The following GRIP1 variants were observed in gnomAD, a reference collection of about 807,000 sequenced individuals.
The protein encoded by GRIP1 is glutamate receptor interacting protein 1, also known as glutamate receptor-interacting protein 1.
Under a neutral mutation model 129.9 loss-of-function variants are expected in GRIP1, and 45 were observed. That is an observed-to-expected ratio of 0.35 (90% CI 0.27 to 0.44). GRIP1 has a LOEUF of 0.44. GRIP1 is among the 20% of genes least tolerant of loss of function. The probability of loss-of-function intolerance (pLI) is 1.00; values close to 1 mark genes in which losing one functional copy is unlikely to be tolerated. For missense variants in GRIP1, 1,196 were observed against 1,396.8 expected (o/e 0.86, Z 2.29); for synonymous variants, 530 against 520.8 (o/e 1.02, Z -0.24).
chr12:66,429,524 TTATCTC>T (rs1383502859), intron 14 of GRIP1, among the ~76,000 whole-genome samples: 2 of 151,776 alleles, frequency 1.3e-5, no homozygotes, highest in African/African-American at 4.8e-5. Context: ...CAGTGAGACT[TTATCTC>T]TACAAAAATT....
intron 1 of GRIP1, among the ~76,000 whole-genome samples, chr12:66,748,846 G>A (rs2136602980): frequency 6.6e-6 from 1 of 152,152 alleles, no homozygotes; most frequent in African/African-American, 2.4e-5. Flanking sequence ...TAAATAACAG[G>A]GATAAAACAT....
intron 5 of GRIP1, among the ~76,000 whole-genome samples, chr12:66,526,494 G>T (rs1435192868): frequency 6.6e-6 from 1 of 152,010 alleles, no homozygotes; most frequent in East Asian, 1.9e-4. Flanking sequence ...AGCTGAAACT[G>T]GATCCCTTCC....
chr12:66,643,176 C>T (rs965339585), intron 1 of GRIP1, among the ~76,000 whole-genome samples: 1 of 152,168 alleles, frequency 6.6e-6, no homozygotes, highest in Non-Finnish European at 1.5e-5. Context: ...ATAGGCATGT[C>T]CTTTCTGGAA....
intron 1 of GRIP1, among the ~76,000 whole-genome samples, chr12:66,949,346 G>C (rs576250253): frequency 6.6e-6 from 1 of 152,194 alleles, no homozygotes; most frequent in South Asian, 2.1e-4. Flanking sequence ...CTTCTGATTG[G>C]GAGTAAGTCA....
chr12:66,505,872 A>G (rs2060513430), intron 7 of GRIP1, among the ~76,000 whole-genome samples: 1 of 152,224 alleles, frequency 6.6e-6, no homozygotes, highest in Non-Finnish European at 1.5e-5. Context: ...GAATTATCCA[A>G]TAGAAAGAAA....
chr12:66,784,510 C>T (rs75775874), intron 1 of GRIP1, among the ~76,000 whole-genome samples: 5,778 of 152,200 alleles, frequency 0.038, 144 homozygotes, highest in African/African-American at 0.068. Context: ...CATTGAAAGC[C>T]AGACTCATTT....
At chr12:66,509,472 G>T (rs1444265415) in intron 7 of GRIP1, among the ~76,000 whole-genome samples, 1 of 152,062 alleles carries the variant, frequency 6.6e-6, no homozygotes, top group African/African-American at 2.4e-5. Flanking sequence ...ACTTTAAAAG[G>T]CACTGTATTT....
chr12:66,518,279 C>T (rs990379116), intron 5 of GRIP1, among the ~76,000 whole-genome samples: 1 of 152,082 alleles, frequency 6.6e-6, no homozygotes, highest in African/African-American at 2.4e-5. Context: ...CCGATTTGAA[C>T]AGCTGTCAGT....
intron 1 of GRIP1, among the ~76,000 whole-genome samples, chr12:66,845,947 ACTGT>A (rs1472964626): frequency 2.0e-5 from 3 of 152,068 alleles, no homozygotes; most frequent in Admixed American, 6.6e-5. Context: ...TCCCAGAAAA[ACTGT>A]CTGTTTCCAT....
intron 7 of GRIP1, among the ~76,000 whole-genome samples, chr12:66,491,360 G>T (rs2060099250): frequency 6.6e-6 from 1 of 152,152 alleles, no homozygotes; most frequent in Non-Finnish European, 1.5e-5. Context: ...AACAACACAG[G>T]AACAGAATAC....
At chr12:66,736,142 C>T (rs1279052724) in intron 1 of GRIP1, among the ~76,000 whole-genome samples, 1 of 152,042 alleles carries the variant, frequency 6.6e-6, no homozygotes, top group African/African-American at 2.4e-5. Context: ...GACCAGAAGG[C>T]TTTCTGATAA....
intron 1 of GRIP1, among the ~76,000 whole-genome samples, chr12:66,930,958 A>G (rs1395857159): frequency 2.6e-5 from 4 of 152,182 alleles, no homozygotes; most frequent in Non-Finnish European, 5.9e-5. Context: ...AGAGTAGTTT[A>G]GATGGTTAGG....
intron 1 of GRIP1, among the ~76,000 whole-genome samples, chr12:66,622,699 A>C (rs996811291): frequency 2.6e-5 from 4 of 152,082 alleles, no homozygotes; most frequent in Non-Finnish European, 5.9e-5. Context: ...CTACTTTTTT[A>C]GTTTCATTTC....
intron 1 of GRIP1, among the ~76,000 whole-genome samples, chr12:66,792,729 TA>T (rs1416737914): frequency 3.3e-5 from 5 of 151,940 alleles, no homozygotes; most frequent in Admixed American, 1.3e-4. Flanking sequence ...AACTAAAAAG[TA>T]AAAAACAAAA....
At chr12:66,616,997 TC>T (rs1252857487) in intron 1 of GRIP1, among the ~76,000 whole-genome samples, 3 of 152,012 alleles carry the variant, frequency 2.0e-5, no homozygotes, top group Admixed American at 1.3e-4. Context: ...GAAAGGTCTA[TC>T]TGTTCCTGAG....
intron 19 of GRIP1, among the ~76,000 whole-genome samples, chr12:66,390,168 G>A (rs1418884373): frequency 2.0e-5 from 3 of 152,152 alleles, no homozygotes; most frequent in African/African-American, 4.8e-5. Flanking sequence ...GTGTCTTGGC[G>A]TGCAGTGAGG....
At chr12:66,985,420 A>C (rs929144253) in intron 1 of GRIP1, among the ~76,000 whole-genome samples, 2 of 152,190 alleles carry the variant, frequency 1.3e-5, no homozygotes, top group Non-Finnish European at 2.9e-5. Context: ...AATAAATTAA[A>C]TAAGTGATAT....
chr12:66,902,192 T>C (rs1046549596), intron 1 of GRIP1, among the ~76,000 whole-genome samples: 5 of 152,178 alleles, frequency 3.3e-5, no homozygotes, highest in African/African-American at 1.2e-4. Context: ...CAACAAGTGT[T>C]AGAATCTCTC....
At chr12:67,001,579 A>C (rs572950920) in intron 1 of GRIP1, among the ~76,000 whole-genome samples, 65 of 152,296 alleles carry the variant, frequency 4.3e-4, no homozygotes, top group African/African-American at 1.5e-3. Flanking sequence ...TCAGGATACT[A>C]CCTAAAGGCT....
Sources: allele counts gnomAD v4.1 joint callset (sites outside exome capture counted in the v4.1 genomes callset), GRCh38; gene constraint gnomAD v4.1.1; transcripts MANE v1.5; gene names NCBI Gene and HGNC (gene_info 2026-07-23, HGNC 2026-07-21).